Variants in SRL observed in about 807,000 individuals in gnomAD.
SRL encodes the protein sarcalumenin.
SRL carries 23 observed loss-of-function variants against 39.5 expected under a neutral mutation model. That is an observed-to-expected ratio of 0.58 (90% CI 0.42 to 0.82). The LOEUF (loss-of-function observed/expected upper bound fraction) is 0.82, where lower values mean the gene tolerates loss of function less well. Among genes scored for constraint, SRL ranks in the 40% least tolerant of loss-of-function variants. The pLI, the probability that SRL is intolerant of heterozygous loss-of-function variation, is 0.00. For synonymous variants in SRL, 272 were observed against 237.4 expected (o/e 1.15, Z -1.34); for missense variants, 592 against 607.8 (o/e 0.97, Z 0.27).
At chr16:4,227,101 GGATA>G (rs1212339335) in intron 1 of SRL, among the ~76,000 whole-genome samples, 1 of 151,108 alleles carries the variant, frequency 6.6e-6, no homozygotes, top group Non-Finnish European at 1.5e-5. Context: ...ATGGATGGAT[GGATA>G]AATGGGTGGA....
intron 4 of SRL, among the ~76,000 whole-genome samples, chr16:4,197,421 C>CTTCTTTTTT (rs71394661): frequency 5.6e-5 from 6 of 107,566 alleles, no homozygotes; most frequent in African/African-American, 2.3e-4. Flanking sequence ...CTTTTCTTTC[C>CTTCTTTTTT]TTTTTTTTTT....
intron 1 of SRL, among the ~76,000 whole-genome samples, chr16:4,214,643 T>C (rs2052433633): frequency 6.6e-6 from 1 of 152,218 alleles, no homozygotes; most frequent in South Asian, 2.1e-4. Flanking sequence ...TTCCTTGTTC[T>C]AGATCTTGTC....
chr16:4,194,121 G>A (rs1182740618), intron 5 of SRL, among the ~76,000 whole-genome samples: 1 of 152,176 alleles, frequency 6.6e-6, no homozygotes, highest in African/African-American at 2.4e-5. Context: ...AGACAGCCTT[G>A]CCTCATGGCA....
chr16:4,224,702 A>G (rs13333781), intron 1 of SRL, among the ~76,000 whole-genome samples: 8,866 of 151,858 alleles, frequency 0.058, 835 homozygotes, highest in African/African-American at 0.19. Flanking sequence ...CCTGGGCAAC[A>G]GAGCAAGACC....
At chr16:4,226,041 CGTCT>C (rs1352064089) in intron 1 of SRL, among the ~76,000 whole-genome samples, 2 of 152,110 alleles carry the variant, frequency 1.3e-5, no homozygotes, top group Admixed American at 1.3e-4. Flanking sequence ...CCCAGACAAC[CGTCT>C]GTCTGACTCA....
At chr16:4,231,975 GA>G (rs1419812497) in intron 1 of SRL, among the ~76,000 whole-genome samples, 5 of 152,372 alleles carry the variant, frequency 3.3e-5, no homozygotes, top group African/African-American at 4.8e-5. Context: ...TATGGGTGAA[GA>G]AACAAACGCA....
intron 1 of SRL, among the ~76,000 whole-genome samples, chr16:4,236,240 C>T (rs2052712708): frequency 6.6e-6 from 1 of 152,086 alleles, no homozygotes. Flanking sequence ...ACCCTCAAAC[C>T]CTCCTCATTG....
chr16:4,211,897 G>A (rs867856859), intron 1 of SRL, among the ~76,000 whole-genome samples: 1 of 152,158 alleles, frequency 6.6e-6, no homozygotes, highest in Non-Finnish European at 1.5e-5. Flanking sequence ...TGATGACAAT[G>A]ATGATGAGAA....
intron 1 of SRL, among the ~76,000 whole-genome samples, chr16:4,208,349 A>C (rs750890469): frequency 2.0e-5 from 3 of 152,174 alleles, no homozygotes; most frequent in Non-Finnish European, 4.4e-5. Flanking sequence ...CCCGTTGTCC[A>C]TCACTAACGA....
Position 4,241,532 on chromosome 16 carries a change from G to A in SRL, c.61+475C>T, listed in dbSNP as rs74003259. The stretch of plus-strand genomic sequence containing the variant: ...AATTCTATCTCACTGCTCCCAAAAC[G>A]GTCCCCACCTTTGCCCACTGTATCC... On this transcript the variant is annotated intron_variant, in intron 1 of 5. Transcript: ENST00000399609. 9.2e-3 allele frequency among the ~76,000 whole-genome samples: 1,399 copies of A among 152,230 alleles called. 22 individuals are homozygous for A. The highest frequency in any genetic ancestry group is 0.032 in the African/African-American group (1,330 of 41,506).
At chr16:4,226,097 T>G (rs1773161132) in intron 1 of SRL, among the ~76,000 whole-genome samples, 1 of 152,172 alleles carries the variant, frequency 6.6e-6, no homozygotes, top group South Asian at 2.1e-4. Context: ...ACCAGCTCCA[T>G]AAGGCCTTCC....
At chr16:4,195,156 G>A (rs1243598646) in intron 5 of SRL, among the ~76,000 whole-genome samples, 1 of 152,016 alleles carries the variant, frequency 6.6e-6, no homozygotes, top group Non-Finnish European at 1.5e-5. Context: ...TGGCCTCCCA[G>A]AGTGCTGGGA....
Position 4,211,231 on chromosome 16 carries a change from T to C in SRL, c.62-6597A>G, listed in dbSNP as rs148442313. Among the ~76,000 whole-genome samples the C allele has an allele frequency of 3.4e-4, 51 of 152,046 alleles. No homozygotes were observed. The East Asian group carries it at 6.8e-3, about 20-fold the overall frequency. Reference sequence around the variant, plus strand: ...ACTGCAACTACCAAATCAAATAATCTTGACCCCCAGGCTTCAGCTCCCAGG... The same window carrying C: ...ACTGCAACTACCAAATCAAATAATCCTGACCCCCAGGCTTCAGCTCCCAGG... On this transcript the variant is annotated intron_variant, in intron 1 of 5. Coordinates refer to ENST00000399609, the MANE Select transcript of SRL (RefSeq NM_001098814.2).
chr16:4,196,223 G>C (rs2892162), intron 4 of SRL, among the ~76,000 whole-genome samples: 76,007 of 151,986 alleles, frequency 0.5, 19,261 homozygotes, highest in South Asian at 0.62. Context: ...GCCTCCCGAA[G>C]TGCTGGGATT....
At chr16:4,193,144 C>A (rs943517388) in intron 5 of SRL, among the ~76,000 whole-genome samples, 180 bp from the exon 6 acceptor site, 1 of 152,164 alleles carries the variant, frequency 6.6e-6, no homozygotes, top group African/African-American at 2.4e-5. Context: ...AATCTTCAAC[C>A]AAGAACAGCC....
chr16:4,240,049 G>A (rs2033487032), intron 1 of SRL, among the ~76,000 whole-genome samples: 1 of 152,214 alleles, frequency 6.6e-6, no homozygotes, highest in South Asian at 2.1e-4. Flanking sequence ...AAGGAGGGCT[G>A]CAGAGCCCAC....
intron 1 of SRL, chr16:4,206,812 T>A (rs1233032663): frequency 1.3e-5 from 6 of 456,758 alleles, no homozygotes; most frequent in Middle Eastern, 3.3e-4. Context: ...TCACTGCCCA[T>A]GGACTCTGTA....
chr16:4,241,943 C>G, intron 1 of SRL, 64 bp downstream of exon 1: 2 of 1,591,122 alleles, frequency 1.3e-6, no homozygotes, highest in Non-Finnish European at 1.7e-6. Flanking sequence ...CCATGGTAGA[C>G]AGAAAACCTT....
intron 1 of SRL, 76 bp from the exon 2 acceptor site, chr16:4,204,710 GA>G (rs1718489190): frequency 1.5e-6 from 2 of 1,344,448 alleles, no homozygotes; most frequent in Non-Finnish European, 2.1e-6. Flanking sequence ...CACAGCAGAC[GA>G]GGGCTGGGCC....
Sources: allele counts gnomAD v4.1 joint callset (sites outside exome capture counted in the v4.1 genomes callset), GRCh38; gene constraint gnomAD v4.1.1; transcripts MANE v1.5; gene names NCBI Gene and HGNC (gene_info 2026-07-23, HGNC 2026-07-21).